KPNA5: variants seen among roughly 807,000 people sequenced by gnomAD.
The protein encoded by KPNA5 is karyopherin subunit alpha 5, also known as importin subunit alpha-6.
In KPNA5, 46 loss-of-function variants were observed where a neutral mutation model predicts 71.3. That is an observed-to-expected ratio of 0.65 (90% confidence interval 0.51 to 0.83). The LOEUF is 0.83. KPNA5 is among the 40% of genes least tolerant of loss of function. The probability of loss-of-function intolerance (pLI) is 0.00; values close to 1 mark genes in which losing one functional copy is unlikely to be tolerated. For synonymous variants in KPNA5, 207 were observed against 201.4 expected (o/e 1.03, Z -0.24); for missense variants, 547 against 628.3 (o/e 0.87, Z 1.38).
chr6:116,706,657 C>T (rs1286230744), intron 7 of KPNA5, among the ~76,000 whole-genome samples: 4 of 151,880 alleles, frequency 2.6e-5, no homozygotes, highest in Admixed American at 2.0e-4. Context: ...CCATTGCACT[C>T]CAGCCTGGGC....
intron 12 of KPNA5, 132 bp from the exon 13 acceptor site, chr6:116,729,431 A>G: frequency 2.0e-6 from 1 of 508,488 alleles, no homozygotes; most frequent in Non-Finnish European, 3.2e-6. Flanking sequence ...GCATTTGTAT[A>G]GGAATACTTT....
intron 7 of KPNA5, 53 bp from the exon 8 acceptor site, chr6:116,716,166 A>C: frequency 7.4e-7 from 1 of 1,354,700 alleles, no homozygotes; most frequent in Non-Finnish European, 1.0e-6. Context: ...ATGATAGCTA[A>C]AGAGGAAAAA....
chr6:116,709,896 G>A (rs1778586873), intron 7 of KPNA5, among the ~76,000 whole-genome samples: 1 of 151,914 alleles, frequency 6.6e-6, no homozygotes, highest in Admixed American at 6.6e-5. Context: ...AGGTAGCTGG[G>A]ACTACAAGCG....
chr6:116,735,531 A>G lies in KPNA5; in HGVS notation c.*3208A>G, dbSNP rs143096881. 1.3e-5 allele frequency: 2 copies of G among 151,768 alleles called. No individual in the cohort carries two copies. The highest frequency in any genetic ancestry group is 3.0e-5 in the Non-Finnish European group (2 of 67,740). 9.4% of individuals were successfully genotyped at this position (151,768 alleles called of 1,614,324 possible). A position where few individuals can be genotyped will look rare whatever the true frequency, so the allele number is the denominator to read the frequency against. ...ATCTTTAAATTCTGACTGGGGAGTA[A>G]GAAGAGAAGATATTCTTACCCTACT... On this transcript the variant is annotated 3_prime_UTR_variant, in exon 14 of 14. Transcript: ENST00000368564.
intron 7 of KPNA5, among the ~76,000 whole-genome samples, chr6:116,708,589 A>G (rs562265029): frequency 1.3e-5 from 2 of 152,316 alleles, no homozygotes; most frequent in South Asian, 2.1e-4. Context: ...TCTTTTAATT[A>G]ATTAAGGTCT....
intron 1 of KPNA5, among the ~76,000 whole-genome samples, chr6:116,686,086 G>A (rs1777575412): frequency 6.6e-6 from 1 of 151,884 alleles, no homozygotes; most frequent in Non-Finnish European, 1.5e-5. Context: ...TTGATATTTT[G>A]TTGAGACAGG....
Position 116,716,309 on chromosome 6 carries a change from C to G in KPNA5, c.747C>G (p.Asn249Lys). The change falls in exon 8 of 14, where the codon AAC becomes AAG. Residue 249 changes from asparagine (N) to lysine (K), a missense_variant. By Grantham distance (94) the Asn-to-Lys change is moderately conservative. Coordinates refer to ENST00000368564, the MANE Select transcript of KPNA5 (RefSeq NM_001366306.2). ...NLCRGKNPPP[N>K]FSKVSPCLNV... is the part of the protein sequence containing the mutation. ...GTAGAGGCAAAAACCCTCCTCCAAA[C>G]TTTAGTAAGGTATGAGTAAAATACA... The G allele has an allele frequency of 6.2e-7, 1 of 1,602,562 alleles. No homozygotes were observed.
In KPNA5 at chr6:116,736,136, A is replaced by G. The variant is rs1779660724; in HGVS notation, c.*3813A>G. 2.0e-5 allele frequency: 3 copies of G among 151,918 alleles called. No individual in the cohort carries two copies. The highest frequency in any genetic ancestry group is 7.2e-5 in the African/African-American group (3 of 41,426). 9.4% of individuals were successfully genotyped at this position (151,918 alleles called of 1,614,324 possible). On this transcript the variant is annotated 3_prime_UTR_variant, in exon 14 of 14. Transcript: ENST00000368564. Reference sequence around the variant, plus strand: ...ATAAAGGGATCAATTCATGATAGTCAAAATGTAGAAACAAATGTTCATCAG... The same window carrying G: ...ATAAAGGGATCAATTCATGATAGTCGAAATGTAGAAACAAATGTTCATCAG...
chr6:116,701,187 A>G (rs1778216124), intron 5 of KPNA5, among the ~76,000 whole-genome samples: 1 of 152,200 alleles, frequency 6.6e-6, no homozygotes, highest in African/African-American at 2.4e-5. Flanking sequence ...TTTGTTACTT[A>G]TAATGACGTG....
In KPNA5 at chr6:116,736,778, G is replaced by C. The variant is rs925442722; in HGVS notation, c.*4455G>C. 1.3e-5 allele frequency: 2 copies of C among 151,800 alleles called. No homozygotes were observed. The highest frequency in any genetic ancestry group is 2.9e-5 in the Non-Finnish European group (2 of 67,880). 9.4% of individuals were successfully genotyped at this position (151,800 alleles called of 1,614,324 possible). A position where few individuals can be genotyped will look rare whatever the true frequency, so the allele number is the denominator to read the frequency against. On this transcript the variant is annotated 3_prime_UTR_variant, in exon 14 of 14. Coordinates refer to ENST00000368564, the MANE Select transcript of KPNA5 (RefSeq NM_001366306.2). ...TTTTGGTTATTTTTCATTTTGTATA[G>C]TTTTCATTGTTTCGTCTTCAAGTTC...
intron 7 of KPNA5, among the ~76,000 whole-genome samples, chr6:116,711,286 CT>C (rs1778672600): frequency 6.7e-6 from 1 of 150,096 alleles, no homozygotes; most frequent in African/African-American, 2.5e-5. Flanking sequence ...AAAGAACTGC[CT>C]TTTTGTTTAG....
intron 1 of KPNA5, among the ~76,000 whole-genome samples, chr6:116,689,044 A>C (rs1777694680): frequency 6.6e-6 from 1 of 152,180 alleles, no homozygotes; most frequent in African/African-American, 2.4e-5. Flanking sequence ...GGGAGACAGG[A>C]AAGGTTGTTG....
chr6:116,711,881 G>A (rs1327876663), intron 7 of KPNA5, among the ~76,000 whole-genome samples: 7 of 152,112 alleles, frequency 4.6e-5, no homozygotes, highest in South Asian at 2.1e-4. Flanking sequence ...TTGGTCTCCC[G>A]AAGTGTTGGG....
Position 116,732,925 on chromosome 6 carries a change from A to C in KPNA5, c.*602A>C, listed in dbSNP as rs1026165666. On this transcript the variant is annotated 3_prime_UTR_variant, in exon 14 of 14. Coordinates refer to ENST00000368564, the MANE Select transcript of KPNA5 (RefSeq NM_001366306.2). Reference sequence around the variant, plus strand: ...CTATAAAATTTATTTATAAAACAGAAGAAATATTATACTGATAATCCATTA... The same window carrying C: ...CTATAAAATTTATTTATAAAACAGACGAAATATTATACTGATAATCCATTA... 2.6e-5 allele frequency: 4 copies of C among 151,956 alleles called. No homozygotes were observed. The highest frequency in any genetic ancestry group is 9.7e-5 in the African/African-American group (4 of 41,446). 9.4% of individuals were successfully genotyped at this position (151,956 alleles called of 1,614,324 possible). A position where few individuals can be genotyped will look rare whatever the true frequency, so the allele number is the denominator to read the frequency against.
In KPNA5 at chr6:116,698,769, C is replaced by A. The variant is rs1167393445; in HGVS notation, c.406C>A (p.Leu136Ile). The A allele has an allele frequency of 1.9e-6, 3 of 1,597,266 alleles. No individual in the cohort carries two copies. Among genetic ancestry groups the A allele is most frequent in the Admixed American group, 3.5e-5 (2 of 57,556 alleles). ...PGVVQRFVKFLERNENCTLQF... is the reference protein window; with the variant it reads ...PGVVQRFVKFIERNENCTLQF... The stretch of plus-strand genomic sequence containing the variant: ...AGTTGTACAGAGATTTGTGAAATTT[C>A]TTGAAAGAAATGAAAATTGCACTTT... The change falls in exon 5 of 14, where the codon CTT becomes ATT. Residue 136 changes from leucine to isoleucine, a missense_variant. By Grantham distance (5) the Leu-to-Ile change is conservative. Coordinates refer to ENST00000368564, the MANE Select transcript of KPNA5 (RefSeq NM_001366306.2).
At chr6:116,725,635 C>A in intron 10 of KPNA5, 116 bp from the exon 11 acceptor site, 1 of 939,596 alleles carries the variant, frequency 1.1e-6, no homozygotes, top group African/African-American at 1.7e-5. Flanking sequence ...AGGAATTTCT[C>A]CTTTCTTAAT....
chr6:116,720,843 G>A (rs946528741), intron 8 of KPNA5, among the ~76,000 whole-genome samples: 1 of 152,100 alleles, frequency 6.6e-6, no homozygotes, highest in African/African-American at 2.4e-5. Flanking sequence ...AACAAAAAAC[G>A]AAAAACAAAC....
At chr6:116,700,503 T>C (rs1236694255) in intron 5 of KPNA5, among the ~76,000 whole-genome samples, 1 of 152,072 alleles carries the variant, frequency 6.6e-6, no homozygotes, top group Non-Finnish European at 1.5e-5. Flanking sequence ...CACTGAGAAG[T>C]TGAGCATTTA....
intron 7 of KPNA5, among the ~76,000 whole-genome samples, chr6:116,710,749 G>T: frequency 6.7e-6 from 1 of 149,626 alleles, no homozygotes; most frequent in African/African-American, 2.4e-5. Context: ...GTTTCTAAGT[G>T]GTTTTTCATT....
Sources: allele counts gnomAD v4.1 joint callset (sites outside exome capture counted in the v4.1 genomes callset), GRCh38; gene constraint gnomAD v4.1.1; transcripts MANE v1.5; gene names NCBI Gene and HGNC (gene_info 2026-07-23, HGNC 2026-07-21).